The following PPP2R5C variants were observed in gnomAD, a reference collection of about 807,000 sequenced individuals.
PPP2R5C encodes the protein serine/threonine-protein phosphatase 2A 56 kDa regulatory subunit gamma isoform.
A neutral mutation model predicts 68.9 loss-of-function variants in PPP2R5C; 7 were observed. The observed-to-expected ratio is 0.10, with a 90% CI of 0.06 to 0.19. The LOEUF is 0.19. Among genes scored for constraint, PPP2R5C ranks in the 10% least tolerant of loss-of-function variants. The probability of loss-of-function intolerance (pLI) is 1.00; values close to 1 mark genes in which losing one functional copy is unlikely to be tolerated. For synonymous variants in PPP2R5C, 210 were observed against 222.2 expected (o/e 0.95, Z 0.49); for missense variants, 348 against 641.3 (o/e 0.54, Z 4.94).
intron 1 of PPP2R5C, among the ~76,000 whole-genome samples, chr14:101,827,091 T>C (rs910104444): frequency 5.3e-5 from 8 of 150,772 alleles, no homozygotes; most frequent in Non-Finnish European, 8.9e-5. Flanking sequence ...TTCTTGTGTC[T>C]CAGCCTCCCG....
chr14:101,901,482 T>A (rs1337500610), intron 8 of PPP2R5C, among the ~76,000 whole-genome samples: 1 of 152,212 alleles, frequency 6.6e-6, no homozygotes, highest in Non-Finnish European at 1.5e-5. Flanking sequence ...CAACATAATG[T>A]GACCCATCTC....
At chr14:101,824,783 G>C (rs760616142) in intron 1 of PPP2R5C, 1 of 152,666 alleles carries the variant, frequency 6.6e-6, no homozygotes, top group South Asian at 2.1e-4. Context: ...GCGTGTCTGC[G>C]CTGGCTTCAG....
At chr14:101,925,232 A>G (rs555626559) in exon 14 of PPP2R5C, 1 of 1,613,778 alleles carries the variant, frequency 6.2e-7, no homozygotes, top group South Asian at 1.1e-5. Flanking sequence ...TTGGAAGCTC[A>G]CTGCAGGGCC....
intron 8 of PPP2R5C, among the ~76,000 whole-genome samples, chr14:101,896,316 G>A (rs1458467407): frequency 6.6e-6 from 1 of 151,366 alleles, no homozygotes; most frequent in Non-Finnish European, 1.5e-5. Flanking sequence ...CACCACACCC[G>A]ACCTGTTGTT....
chr14:101,771,501 C>A (rs185732208), intron 2 of PPP2R5C, among the ~76,000 whole-genome samples: 4 of 152,038 alleles, frequency 2.6e-5, no homozygotes, highest in African/African-American at 9.7e-5. Flanking sequence ...GAGGCCCAGG[C>A]GGGTGGATCA....
chr14:101,860,246 C>T (rs2042669146), intron 2 of PPP2R5C, among the ~76,000 whole-genome samples: 1 of 152,118 alleles, frequency 6.6e-6, no homozygotes, highest in South Asian at 2.1e-4. Context: ...ATTGACTGTT[C>T]ATCTCTATGG....
chr14:101,815,933 G>A (rs753644208), intron 1 of PPP2R5C, among the ~76,000 whole-genome samples: 3 of 152,166 alleles, frequency 2.0e-5, no homozygotes, highest in Non-Finnish European at 4.4e-5. Context: ...GCCTCCCAAA[G>A]TACTGGGATT....
At chr14:101,867,282 C>CTATA (rs760756714) in intron 2 of PPP2R5C, among the ~76,000 whole-genome samples, 2 of 151,676 alleles carry the variant, frequency 1.3e-5, no homozygotes, top group Non-Finnish European at 2.9e-5. Flanking sequence ...ACGCCTGCAC[C>CTATA]TATATGCCTA....
intron 2 of PPP2R5C, among the ~76,000 whole-genome samples, chr14:101,864,494 G>A (rs917547693): frequency 1.1e-4 from 17 of 152,208 alleles, no homozygotes; most frequent in African/African-American, 3.9e-4. Context: ...AGAGGCAGCA[G>A]ACGTAATGAT....
intron 11 of PPP2R5C, among the ~76,000 whole-genome samples, chr14:101,911,269 G>A (rs1011249200): frequency 5.3e-5 from 8 of 151,740 alleles, no homozygotes; most frequent in South Asian, 2.1e-4. Flanking sequence ...GCGAGACTCC[G>A]TCTCAAAAAA....
At chr14:101,817,360 A>G (rs905897147) in intron 1 of PPP2R5C, among the ~76,000 whole-genome samples, 2 of 152,182 alleles carry the variant, frequency 1.3e-5, no homozygotes, top group African/African-American at 4.8e-5. Context: ...GAAAAAATGT[A>G]CAAAGAAAAT....
At chr14:101,807,834 C>T (rs1316218490), upstream of PPP2R5C, among the ~76,000 whole-genome samples, 2 of 151,708 alleles carry the variant, frequency 1.3e-5, no homozygotes, top group African/African-American at 4.8e-5. Flanking sequence ...TTCACTGTTT[C>T]TTTGACTCCT....
chr14:101,917,693 C>CT lies in PPP2R5C; in HGVS notation c.1327-138_1327-137insT. The CT allele has an allele frequency of 8.9e-7, 1 of 1,129,534 alleles. No individual in the cohort carries two copies. The highest frequency in any genetic ancestry group is 1.5e-5 in the South Asian group (1 of 67,258). 70.0% of individuals were successfully genotyped at this position (1,129,534 alleles called of 1,614,324 possible). ...AGCCGCATCATGTTGCAGGTGTAGG[C>CT]GAGTCTCCCACTGAGTGGGCTTCCT... On this transcript the variant is annotated intron_variant, in intron 12 of 13. Coordinates refer to ENST00000334743, the Ensembl canonical transcript of PPP2R5C. The surrounding 1 kb of genome is among the most constrained non-coding windows in gnomAD (Gnocchi z 4.4).
At chr14:101,860,628 C>T (rs2042688129) in intron 2 of PPP2R5C, among the ~76,000 whole-genome samples, 1 of 152,168 alleles carries the variant, frequency 6.6e-6, no homozygotes, top group African/African-American at 2.4e-5. Context: ...AGTGGCTGCA[C>T]CATTTTACGT....
rs944595443 is a variant in PPP2R5C at position 101,815,037 on chromosome 14, G to T, written c.94+5001G>T. ...CTGTCCCAGAGGAGAAGCAGCATAC[G>T]TTGAGTGCCTTCAGTGTGCTAGGTC... is the stretch of plus-strand genomic sequence containing the variant. On this transcript the variant is annotated intron_variant, in intron 1 of 13. Coordinates refer to ENST00000334743, the Ensembl canonical transcript of PPP2R5C. 2.0e-5 allele frequency among the ~76,000 whole-genome samples: 3 copies of T among 152,184 alleles called. No individual in the cohort carries two copies. In the East Asian group the frequency reaches 5.8e-4, roughly 29 times the overall value.
chr14:101,925,420 CGA>C, exon 14 of PPP2R5C: 1 of 1,338,230 alleles, frequency 7.5e-7, no homozygotes, highest in South Asian at 1.6e-5. Flanking sequence ...CGCCTCAGCG[CGA>C]GATTAGGAGT....
chr14:101,865,152 G>T (rs1306662818), intron 2 of PPP2R5C, among the ~76,000 whole-genome samples: 1 of 152,118 alleles, frequency 6.6e-6, no homozygotes, highest in African/African-American at 2.4e-5. Context: ...GGCCTGAGGT[G>T]GGTCTCATCT....
chr14:101,895,069 T>A (rs901103007), intron 8 of PPP2R5C, among the ~76,000 whole-genome samples: 3 of 152,084 alleles, frequency 2.0e-5, no homozygotes, highest in Non-Finnish European at 4.4e-5. Context: ...GGATCTGTAA[T>A]TTTTTTTCAG....
intron 1 of PPP2R5C, chr14:101,820,602 C>T (rs1042192615): frequency 6.6e-6 from 1 of 152,226 alleles, no homozygotes; most frequent in East Asian, 1.9e-4. Context: ...TTTTGAGAAG[C>T]ATTGAAACCT....
Sources: allele counts gnomAD v4.1 joint callset (sites outside exome capture counted in the v4.1 genomes callset), GRCh38; gene constraint gnomAD v4.1.1; non-coding constraint Gnocchi (gnomAD v3.1); transcripts MANE v1.5; gene names NCBI Gene and HGNC (gene_info 2026-07-23, HGNC 2026-07-21).